Variants in DPP6 observed in about 807,000 individuals in gnomAD.
The protein encoded by DPP6 is A-type potassium channel modulatory protein DPP6.
In DPP6, 69 loss-of-function variants were observed where a neutral mutation model predicts 122.6. The ratio of observed to expected loss-of-function variants is 0.56; its 90% CI spans 0.46 to 0.69. The LOEUF is 0.69. Ranked by LOEUF, DPP6 falls within the 30% of genes least tolerant of loss-of-function variation. The pLI, the probability that DPP6 is intolerant of heterozygous loss-of-function variation, is 0.00. For missense variants in DPP6, 928 were observed against 1,116.9 expected (o/e 0.83, Z 2.41); for synonymous variants, 418 against 433.1 (o/e 0.97, Z 0.43).
chr7:154,096,637 ATCTC>A (rs1333867187), intron 1 of DPP6, among the ~76,000 whole-genome samples: 3 of 152,228 alleles, frequency 2.0e-5, no homozygotes, highest in African/African-American at 7.2e-5. Flanking sequence ...ATATAAGAAA[ATCTC>A]TATATTACAA....
In DPP6 at chr7:154,875,763, A is replaced by C; in HGVS notation, c.1884-143A>C. On this transcript the variant is annotated intron_variant, in intron 19 of 25. Coordinates refer to ENST00000377770, the MANE Select transcript of DPP6 (RefSeq NM_130797.4). The surrounding 1 kb of genome is among the most constrained non-coding windows in gnomAD (Gnocchi z 4.5). ...ACACCTGGCTCACCTGCCCGGGGCAACAGAATCTGGGGTATGGAGTTGAGC... is the reference window on the plus strand; with the variant it reads ...ACACCTGGCTCACCTGCCCGGGGCACCAGAATCTGGGGTATGGAGTTGAGC... 1 of 1,255,486 alleles carries C rather than the reference A, an allele frequency of 8.0e-7. No individual in the cohort carries two copies. The highest frequency in any genetic ancestry group is 1.1e-6 in the Non-Finnish European group (1 of 927,594). The allele number at this position is 1,255,486 out of a possible 1,614,324, so 77.8% of individuals were successfully genotyped here. A position where few individuals can be genotyped will look rare whatever the true frequency, so the allele number is the denominator to read the frequency against.
intron 1 of DPP6, among the ~76,000 whole-genome samples, chr7:153,989,985 C>T (rs950296895): frequency 7.3e-6 from 1 of 137,470 alleles, no homozygotes; most frequent in Non-Finnish European, 1.6e-5. Flanking sequence ...AACAGCTCAC[C>T]CCCCTGCCAG....
At chr7:154,334,497 G>C (rs1203187757) in intron 1 of DPP6, among the ~76,000 whole-genome samples, 1 of 152,228 alleles carries the variant, frequency 6.6e-6, no homozygotes, top group African/African-American at 2.4e-5. Context: ...TGGCTGCGTG[G>C]AAAAGCCAAG....
At chr7:154,360,016 G>T (rs1389441345) in intron 1 of DPP6, among the ~76,000 whole-genome samples, 1 of 152,204 alleles carries the variant, frequency 6.6e-6, no homozygotes, top group East Asian at 1.9e-4. Flanking sequence ...TTGCTTTTCT[G>T]AGTGCTGCTT....
Position 154,600,634 on chromosome 7 carries a change from G to A in DPP6, c.627+33718G>A. 1.6e-5 allele frequency among the ~76,000 whole-genome samples: 2 copies of A among 121,580 alleles called. 1 individual carries two copies. Among genetic ancestry groups the A allele is most frequent in the East Asian group, 7.1e-4 (2 of 2,820 alleles). 79.8% of individuals were successfully genotyped at this position (121,580 alleles called of 152,430 possible). On this transcript the variant is annotated intron_variant, in intron 5 of 25. Coordinates refer to ENST00000377770, the MANE Select transcript of DPP6 (RefSeq NM_130797.4). ...AAGGCTAAAGGAAATATGATGAAAT[G>A]TCCAGGGTCACTCGGCTGGGAATTT...
chr7:154,370,514 T>C (rs979261158), intron 1 of DPP6, among the ~76,000 whole-genome samples: 10 of 152,238 alleles, frequency 6.6e-5, no homozygotes, highest in Admixed American at 3.9e-4. Context: ...TCTTGAGTAG[T>C]TGATAAATGA....
At chr7:154,009,551 A>C (rs558608936) in intron 1 of DPP6, among the ~76,000 whole-genome samples, 32 of 152,020 alleles carry the variant, frequency 2.1e-4, no homozygotes, top group African/African-American at 7.7e-4. Context: ...ATGAGATGGA[A>C]AGCAGGGGTC....
Position 154,674,035 on chromosome 7 carries a change from G to A in DPP6, c.762+4594G>A, listed in dbSNP as rs57084371. Among the ~76,000 whole-genome samples the A allele has an allele frequency of 5.3e-5, 8 of 152,002 alleles. No homozygotes were observed. The East Asian group carries it at 9.7e-4, about 18-fold the overall frequency. ...GGACTACAGGTGTGTGCCACCATACGTGGCTAATTTTTGTGTTTTTAGCAG... is the reference window on the plus strand; with the variant it reads ...GGACTACAGGTGTGTGCCACCATACATGGCTAATTTTTGTGTTTTTAGCAG... On this transcript the variant is annotated intron_variant, in intron 7 of 25. Coordinates refer to ENST00000377770, the MANE Select transcript of DPP6 (RefSeq NM_130797.4).
chr7:154,382,594 G>A (rs184080001), intron 1 of DPP6, among the ~76,000 whole-genome samples: 206 of 152,272 alleles, frequency 1.4e-3, no homozygotes, highest in Admixed American at 0.013. Context: ...TCTGTGCTGC[G>A]CTCAGCGCTC....
chr7:154,163,908 CAA>C (rs1157895146), intron 1 of DPP6, among the ~76,000 whole-genome samples: 7 of 152,150 alleles, frequency 4.6e-5, no homozygotes, highest in African/African-American at 1.7e-4. Context: ...TCCTCAGAGA[CAA>C]GAGTCTCACT....
chr7:153,930,550 C>A (rs899146033), intron 1 of DPP6, among the ~76,000 whole-genome samples: 1 of 152,188 alleles, frequency 6.6e-6, no homozygotes, highest in African/African-American at 2.4e-5. Context: ...ATGGCTCCAT[C>A]TGGCTAATTA....
chr7:154,297,747 C>T (rs138055856), intron 1 of DPP6, among the ~76,000 whole-genome samples: 216 of 152,312 alleles, frequency 1.4e-3, no homozygotes, highest in African/African-American at 5.0e-3. Context: ...GCCTCTGCTC[C>T]TTCTATTATG....
intron 1 of DPP6, among the ~76,000 whole-genome samples, chr7:153,955,320 T>C (rs907152963): frequency 2.0e-5 from 3 of 152,182 alleles, no homozygotes; most frequent in South Asian, 2.1e-4. Flanking sequence ...TCATCATCAT[T>C]ATCACCGTCA....
intron 1 of DPP6, among the ~76,000 whole-genome samples, chr7:154,024,760 T>C (rs1217343941): frequency 6.6e-6 from 1 of 152,248 alleles, no homozygotes; most frequent in East Asian, 1.9e-4. Context: ...CAGCGGGGCT[T>C]GTCTCCCCGT....
chr7:154,212,138 A>C (rs1585643524), intron 1 of DPP6, among the ~76,000 whole-genome samples: 1 of 151,592 alleles, frequency 6.6e-6, no homozygotes, highest in East Asian at 1.9e-4. Context: ...AACTGCCATC[A>C]CTCCCATGCC....
intron 1 of DPP6, among the ~76,000 whole-genome samples, chr7:154,344,431 A>C (rs947298720): frequency 6.6e-6 from 1 of 152,194 alleles, no homozygotes; most frequent in Admixed American, 6.5e-5. Flanking sequence ...GCTGGCGAGG[A>C]TGTGGAGAAA....
intron 1 of DPP6, among the ~76,000 whole-genome samples, chr7:153,906,125 T>A (rs1799841155): frequency 6.6e-6 from 1 of 152,184 alleles, no homozygotes; most frequent in South Asian, 2.1e-4. Context: ...ATATTGTAGG[T>A]TTCTGTTAAA....
chr7:154,351,713 G>T (rs1269642222), intron 1 of DPP6, among the ~76,000 whole-genome samples: 1 of 152,154 alleles, frequency 6.6e-6, no homozygotes, highest in East Asian at 1.9e-4. Context: ...GTTAAGTAAG[G>T]AAGAGGCCAA....
intron 3 of DPP6, among the ~76,000 whole-genome samples, chr7:154,492,573 C>T (rs747889471): frequency 1.3e-5 from 2 of 152,110 alleles, no homozygotes; most frequent in South Asian, 2.1e-4. Context: ...GGTGGGATAC[C>T]GCACCGGGTG....
Sources: gnomAD v4.1 joint callset for allele counts (sites outside exome capture counted in the v4.1 genomes callset) on GRCh38, gnomAD v4.1.1 for gene constraint, Gnocchi (gnomAD v3.1) non-coding constraint, MANE v1.5 for transcripts, NCBI Gene and HGNC (gene_info 2026-07-23, HGNC 2026-07-21) for gene names.